The following ADGRL3 variants were observed in gnomAD, a reference collection of about 807,000 sequenced individuals.
The protein encoded by ADGRL3 is calcium-independent alpha-latrotoxin receptor 3.
In ADGRL3, 62 loss-of-function variants were observed where a neutral mutation model predicts 153.5. The ratio of observed to expected loss-of-function variants is 0.40; its 90% confidence interval spans 0.33 to 0.50. The LOEUF is 0.50. Among genes scored for constraint, ADGRL3 ranks in the 20% least tolerant of loss-of-function variants. The pLI is 0.47. For missense variants in ADGRL3, 1,641 were observed against 1,859.4 expected (o/e 0.88, Z 2.16); for synonymous variants, 710 against 672.5 (o/e 1.06, Z -0.86).
chr4:61,564,428 C>T lies in ADGRL3; in HGVS notation c.260-22799C>T, dbSNP rs149647154. Among the ~76,000 whole-genome samples the T allele has an allele frequency of 4.0e-3, 605 of 152,258 alleles. 8 individuals carry two copies. Among genetic ancestry groups the T allele is most frequent in the South Asian group, 0.027 (130 of 4,822 alleles). ...TAGCTGGGACTACAGGTGCACACCA[C>T]AATGCCTGGCTGATTTCTGTATTTT... On this transcript the variant is annotated intron_variant, in intron 4 of 26. Transcript: ENST00000683033.
chr4:62,015,681 C>G (rs17292170), intron 21 of ADGRL3, among the ~76,000 whole-genome samples: 2 of 151,946 alleles, frequency 1.3e-5, no homozygotes, highest in African/African-American at 4.8e-5. Context: ...TTAATTTTCA[C>G]AGGGACATTT....
chr4:61,906,053 A>T (rs1441529546), intron 11 of ADGRL3, among the ~76,000 whole-genome samples: 2 of 151,646 alleles, frequency 1.3e-5, no homozygotes, highest in East Asian at 3.9e-4. Flanking sequence ...GCTTTGTTCT[A>T]TATATTTAAA....
rs145610082 is a variant in ADGRL3 at position 61,386,944 on chromosome 4, A to C, written c.-174+3755A>C. 5.7e-3 allele frequency among the ~76,000 whole-genome samples: 863 copies of C among 152,332 alleles called. 10 individuals carry two copies. Among genetic ancestry groups the C allele is most frequent in the African/African-American group, 0.02 (816 of 41,590 alleles). On this transcript the variant is annotated intron_variant, in intron 2 of 26. Transcript: ENST00000683033. ...GTGCAACATATGAATGTGTTTTGAC[A>C]AGCACATAAAGTTGTGAAAATATCA...
At chr4:61,747,165 T>A (rs924907784) in intron 8 of ADGRL3, among the ~76,000 whole-genome samples, 4 of 151,860 alleles carry the variant, frequency 2.6e-5, no homozygotes, top group African/African-American at 7.3e-5. Flanking sequence ...CAGGAAGAAG[T>A]TGAATCTCTG....
chr4:61,245,590 ATTG>A (rs1019739125), intron 1 of ADGRL3, among the ~76,000 whole-genome samples: 5 of 152,022 alleles, frequency 3.3e-5, no homozygotes, highest in African/African-American at 1.2e-4. Flanking sequence ...TGCCTCATTA[ATTG>A]TTGTCTTGCC....
At chr4:61,611,210 G>A (rs1289535401) in intron 5 of ADGRL3, among the ~76,000 whole-genome samples, 1 of 151,994 alleles carries the variant, frequency 6.6e-6, no homozygotes, top group Non-Finnish European at 1.5e-5. Context: ...TCCAGCCTAT[G>A]GGGCAGACAG....
At chr4:61,988,903 TAGA>T (rs1227083311) in intron 19 of ADGRL3, among the ~76,000 whole-genome samples, 1 of 152,160 alleles carries the variant, frequency 6.6e-6, no homozygotes, top group Non-Finnish European at 1.5e-5. Flanking sequence ...TCTTGAGTCC[TAGA>T]AGAATAGCCA....
intron 1 of ADGRL3, among the ~76,000 whole-genome samples, chr4:61,303,646 T>C (rs1383219446): frequency 6.6e-6 from 1 of 152,202 alleles, no homozygotes; most frequent in Non-Finnish European, 1.5e-5. Context: ...TTATACATTG[T>C]ACATTTCAGG....
At chr4:61,574,367 A>G (rs1311745616) in intron 4 of ADGRL3, among the ~76,000 whole-genome samples, 1 of 152,008 alleles carries the variant, frequency 6.6e-6, no homozygotes, top group Non-Finnish European at 1.5e-5. Flanking sequence ...TTATTAATTT[A>G]TCACTTTAGA....
intron 4 of ADGRL3, among the ~76,000 whole-genome samples, chr4:61,569,712 T>C (rs563881836): frequency 2.8e-4 from 42 of 152,198 alleles, no homozygotes; most frequent in Non-Finnish European, 1.5e-4. Context: ...TTATTTGGCA[T>C]ATTGTTTTCA....
At position 61,587,337 on chromosome 4, in the gene ADGRL3, G is replaced by A. The variant is rs1441793642; in HGVS notation, c.370G>A (p.Ala124Thr). 1.9e-6 allele frequency: 3 copies of A among 1,612,220 alleles called. No individual in the cohort carries two copies. The African/African-American group carries it at 4.0e-5, about 22-fold the overall frequency. Residue 124 changes from alanine to threonine, a missense_variant, in exon 5 of 27, where the codon GCC becomes ACC. Physicochemically the swap from Ala to Thr is moderately conservative, Grantham distance 58. This residue lies in a region of ADGRL3 where 213 missense variants were observed against 362.1 expected (regional missense o/e 0.59). Transcript: ENST00000683033. ...AACAGACGTCATCATGATAGAAAGT[G>A]CCAACTATGGCAGGACTGATGACAA... Reference protein sequence around the residue: ...PGTDVIMIESANYGRTDDKIC... With the variant: ...PGTDVIMIESTNYGRTDDKIC...
chr4:61,364,404 G>A (rs1271360530), intron 1 of ADGRL3, among the ~76,000 whole-genome samples: 4 of 151,412 alleles, frequency 2.6e-5, no homozygotes, highest in Admixed American at 1.3e-4. Context: ...AATATATGTC[G>A]TGATTTATAA....
intron 9 of ADGRL3, among the ~76,000 whole-genome samples, chr4:61,862,765 A>C (rs1185447702): frequency 6.6e-6 from 1 of 152,184 alleles, no homozygotes; most frequent in African/African-American, 2.4e-5. Context: ...GAGGTGACCT[A>C]GGACTCTTTT....
At chr4:61,762,034 G>T (rs1223355496) in intron 8 of ADGRL3, among the ~76,000 whole-genome samples, 1 of 152,208 alleles carries the variant, frequency 6.6e-6, no homozygotes, top group African/African-American at 2.4e-5. Context: ...TTTGAAGATA[G>T]AGCAATTTTG....
At chr4:61,237,915 C>T (rs759905052) in intron 1 of ADGRL3, among the ~76,000 whole-genome samples, 33 of 152,124 alleles carry the variant, frequency 2.2e-4, no homozygotes, top group Non-Finnish European at 4.0e-4. Flanking sequence ...ACTTTTGTAA[C>T]AGTGCGAGTC....
intron 9 of ADGRL3, among the ~76,000 whole-genome samples, chr4:61,868,726 A>G (rs1211846554): frequency 6.6e-5 from 10 of 152,158 alleles, no homozygotes; most frequent in Non-Finnish European, 8.8e-5. Flanking sequence ...TTTAATATCT[A>G]ATTTGGTAGA....
intron 18 of ADGRL3, among the ~76,000 whole-genome samples, chr4:61,980,921 T>C (rs978378272): frequency 2.0e-5 from 3 of 152,176 alleles, no homozygotes; most frequent in Non-Finnish European, 4.4e-5. Flanking sequence ...TTGTCAATTA[T>C]GAAGAAAGCT....
chr4:61,828,464 C>A (rs910566565), intron 9 of ADGRL3, among the ~76,000 whole-genome samples: 1 of 152,046 alleles, frequency 6.6e-6, no homozygotes, highest in Admixed American at 6.6e-5. Context: ...TTAAATTTTG[C>A]TTCTGTTGTT....
At chr4:61,371,392 C>G (rs905290857) in intron 1 of ADGRL3, among the ~76,000 whole-genome samples, 2 of 151,884 alleles carry the variant, frequency 1.3e-5, no homozygotes, top group East Asian at 1.9e-4. Flanking sequence ...CCATGTGTAG[C>G]GCTTCCTTCA....
Sources: gnomAD v4.1 joint callset for allele counts (sites outside exome capture counted in the v4.1 genomes callset) on GRCh38, gnomAD v4.1.1 for gene constraint, gnomAD v4.1.1 regional missense constraint, MANE v1.5 for transcripts, NCBI Gene and HGNC (gene_info 2026-07-23, HGNC 2026-07-21) for gene names.